PALS2: variants seen among roughly 807,000 people sequenced by gnomAD.
PALS2 encodes protein PALS2.
Under a neutral mutation model 61.6 loss-of-function variants are expected in PALS2, and 27 were observed. That is an observed-to-expected ratio of 0.44 (90% CI 0.32 to 0.60). The LOEUF (loss-of-function observed/expected upper bound fraction) is 0.60. PALS2 is among the 20% of genes least tolerant of loss of function. The pLI, the probability that PALS2 is intolerant of heterozygous loss-of-function variation, is 0.05. For missense variants in PALS2, 554 were observed against 639.4 expected (o/e 0.87, Z 1.44); for synonymous variants, 236 against 218.6 (o/e 1.08, Z -0.70).
chr7:24,651,470 A>G (rs1289618624), intron 5 of PALS2, among the ~76,000 whole-genome samples: 4 of 152,190 alleles, frequency 2.6e-5, no homozygotes, highest in Non-Finnish European at 5.9e-5. Flanking sequence ...TGTTTTCTCA[A>G]AAGATTGTTA....
chr7:24,595,515 TAA>T (rs1491479647), intron 1 of PALS2, among the ~76,000 whole-genome samples: 1 of 105,166 alleles, frequency 9.5e-6, no homozygotes, highest in African/African-American at 4.7e-5. Flanking sequence ...ATATAATATA[TAA>T]TATATATAAT....
chr7:24,597,261 A>G (rs1204511426), intron 1 of PALS2: 1 of 152,196 alleles, frequency 6.6e-6, no homozygotes, highest in Non-Finnish European at 1.5e-5. Flanking sequence ...GAAATAAATG[A>G]GATCACTCAA....
chr7:24,652,968 T>G (rs1583952343), intron 5 of PALS2, among the ~76,000 whole-genome samples: 1 of 152,326 alleles, frequency 6.6e-6, no homozygotes, highest in East Asian at 1.9e-4. Flanking sequence ...AATTCTGAAG[T>G]TCTTCAACTT....
chr7:24,672,470 A>T (rs1427360358), intron 9 of PALS2, among the ~76,000 whole-genome samples: 1 of 152,008 alleles, frequency 6.6e-6, no homozygotes, highest in Admixed American at 6.6e-5. Flanking sequence ...ACCTCAGGTG[A>T]TCTGCCTGCC....
At chr7:24,649,786 C>A in intron 4 of PALS2, 22 bp downstream of exon 4, 1 of 1,545,530 alleles carries the variant, frequency 6.5e-7, no homozygotes, top group Non-Finnish European at 8.7e-7. Context: ...TAAATCAGTA[C>A]CCTATTAAAT....
intron 7 of PALS2, 107 bp downstream of exon 7, chr7:24,665,794 A>C: frequency 7.5e-6 from 8 of 1,064,986 alleles, no homozygotes; most frequent in Non-Finnish European, 1.1e-5. Context: ...GTCTAGAATG[A>C]ATCCCTCCCT....
chr7:24,610,457 G>A (rs1400180367), intron 1 of PALS2, among the ~76,000 whole-genome samples: 4 of 152,112 alleles, frequency 2.6e-5, no homozygotes, highest in Admixed American at 1.3e-4. Context: ...CGTGCATAGC[G>A]TCTAGCTGTG....
At chr7:24,656,620 T>G (rs1025584739) in intron 5 of PALS2, among the ~76,000 whole-genome samples, 3 of 152,110 alleles carry the variant, frequency 2.0e-5, no homozygotes, top group African/African-American at 7.2e-5. Context: ...CTCCCAGGGC[T>G]CAGATAATCC....
At chr7:24,627,765 A>G (rs1784813713) in intron 2 of PALS2, among the ~76,000 whole-genome samples, 4 of 152,224 alleles carry the variant, frequency 2.6e-5, no homozygotes, top group South Asian at 2.1e-4. Context: ...TAGAAAATCT[A>G]AAAGAAATGG....
chr7:24,600,590 A>G (rs1783684939), intron 1 of PALS2, among the ~76,000 whole-genome samples: 1 of 152,218 alleles, frequency 6.6e-6, no homozygotes, highest in Non-Finnish European at 1.5e-5. Context: ...GTGACACTAG[A>G]TAAACATGGC....
chr7:24,594,426 C>A (rs991379589), intron 1 of PALS2, among the ~76,000 whole-genome samples: 1 of 152,102 alleles, frequency 6.6e-6, no homozygotes, highest in East Asian at 1.9e-4. Context: ...GCTCAAGAGG[C>A]CTTTCAGCCT....
chr7:24,583,662 A>ATT (rs11407533), intron 1 of PALS2, among the ~76,000 whole-genome samples: 6,586 of 143,644 alleles, frequency 0.046, 180 homozygotes, highest in South Asian at 0.11. Flanking sequence ...TATTTATTTA[A>ATT]TTTTTTTTTT....
At chr7:24,607,505 GTA>G (rs908439836) in intron 1 of PALS2, among the ~76,000 whole-genome samples, 7 of 150,610 alleles carry the variant, frequency 4.6e-5, no homozygotes, top group Non-Finnish European at 5.9e-5. Flanking sequence ...ATATATATGT[GTA>G]TATATATGTG....
At chr7:24,625,971 G>A (rs1784725332) in intron 2 of PALS2, among the ~76,000 whole-genome samples, 2 of 152,000 alleles carry the variant, frequency 1.3e-5, no homozygotes, top group African/African-American at 4.8e-5. Context: ...GAAAAAAGAG[G>A]CACACATTGC....
chr7:24,656,467 A>G (rs1786422180), intron 5 of PALS2, among the ~76,000 whole-genome samples: 1 of 152,140 alleles, frequency 6.6e-6, no homozygotes, highest in Non-Finnish European at 1.5e-5. Context: ...TAATATACCC[A>G]TGAAGTCAAC....
chr7:24,641,062 A>G (rs903152727), intron 2 of PALS2, among the ~76,000 whole-genome samples: 3 of 150,056 alleles, frequency 2.0e-5, no homozygotes, highest in African/African-American at 7.3e-5. Flanking sequence ...AGTGTGGTTG[A>G]CGGTCTATTT....
At chr7:24,606,610 TG>T (rs1162057302) in intron 1 of PALS2, among the ~76,000 whole-genome samples, 1 of 152,128 alleles carries the variant, frequency 6.6e-6, no homozygotes, top group East Asian at 1.9e-4. Context: ...GGTTTTTTTT[TG>T]TTTCATTTTG....
chr7:24,597,055 G>A (rs58634243), intron 1 of PALS2: 9,598 of 152,174 alleles, frequency 0.063, 351 homozygotes, highest in African/African-American at 0.093. Flanking sequence ...TGGTGATGTC[G>A]TAATATAAAT....
intron 1 of PALS2, among the ~76,000 whole-genome samples, chr7:24,575,656 T>C (rs1342887085): frequency 6.6e-6 from 1 of 152,254 alleles, no homozygotes; most frequent in Non-Finnish European, 1.5e-5. Context: ...AAACAGATAT[T>C]TTAATTAAAT....
Sources: allele counts gnomAD v4.1 joint callset (sites outside exome capture counted in the v4.1 genomes callset), GRCh38; gene constraint gnomAD v4.1.1; transcripts MANE v1.5; gene names NCBI Gene and HGNC (gene_info 2026-07-23, HGNC 2026-07-21).